Variants in RPL26L1 observed in about 807,000 individuals in gnomAD.
RPL26L1 encodes ribosomal protein uL24-like.
A neutral mutation model predicts 15.2 loss-of-function variants in RPL26L1; 8 were observed. The observed-to-expected ratio is 0.53, with a 90% confidence interval of 0.31 to 0.95. RPL26L1 has a LOEUF of 0.95. RPL26L1 is among the 40% of genes least tolerant of loss of function. RPL26L1 has a pLI of 0.05. For synonymous variants in RPL26L1, 51 were observed against 65.9 expected (o/e 0.77, Z 1.09); for missense variants, 146 against 190.9 (o/e 0.76, Z 1.39).
chr5:172,959,984 G>T lies in RPL26L1; in HGVS notation c.111G>T (p.Glu37Asp). The change falls in exon 2 of 4, where the codon GAG (glutamate) becomes GAT (aspartate). Residue 37 changes from glutamate (E) to aspartate (D), a missense_variant. Physicochemically the swap from Glu to Asp is conservative, Grantham distance 45. Coordinates refer to ENST00000265100, the MANE Select transcript of RPL26L1 (RefSeq NM_016093.4). ...TCATGTCATCCCCGCTCTCCAAGGAGCTGCGGCAGAAGTACAATGTCCGCT... is the reference window on the plus strand; with the variant it reads ...TCATGTCATCCCCGCTCTCCAAGGATCTGCGGCAGAAGTACAATGTCCGCT... ...RKIMSSPLSK[E>D]LRQKYNVRSM... 1 of 1,614,216 alleles carries T rather than the reference G, an allele frequency of 6.2e-7. No homozygotes were observed. Among genetic ancestry groups the T allele is most frequent in the South Asian group, 1.1e-5 (1 of 91,082 alleles).
upstream of RPL26L1, chr5:172,954,807 T>G (rs1398055703): frequency 1.0e-5 from 4 of 392,574 alleles, no homozygotes; most frequent in African/African-American, 8.3e-5. Flanking sequence ...CCATTTTTAT[T>G]ATTTCTCCTT....
In RPL26L1 at chr5:172,969,551, G is replaced by A. The variant is rs755991961; in HGVS notation, c.*10G>A. On this transcript the variant is annotated 3_prime_UTR_variant, in exon 4 of 4. Transcript: ENST00000265100. ...GAAAATGCAGGAATAAATAGAACCT[G>A]TTGTGCAACCACGGTTTAACCGGAG... 41 of 1,608,368 alleles carry A rather than the reference G, an allele frequency of 2.5e-5. No homozygotes were observed. The Middle Eastern group carries it at 2.7e-3, about 105-fold the overall frequency.
upstream of RPL26L1, chr5:172,957,386 G>A: frequency 2.5e-6 from 1 of 399,374 alleles, no homozygotes; most frequent in South Asian, 1.8e-5. Context: ...ACTCCTTGAT[G>A]ATCTTGGGTT....
intron 3 of RPL26L1, among the ~76,000 whole-genome samples, chr5:172,968,844 T>C (rs576545316): frequency 8.0e-6 from 1 of 124,314 alleles, no homozygotes; most frequent in East Asian, 2.8e-4. Context: ...ATGCTCGCTC[T>C]GTCACCAGGC....
upstream of RPL26L1, chr5:172,958,030 C>T (rs1418134985): frequency 1.2e-5 from 3 of 248,292 alleles, 1 homozygote; most frequent in Admixed American, 9.6e-5. Context: ...TTTGGGAGGC[C>T]GAGGCGGGAG....
At chr5:172,968,773 C>T (rs1229939231) in intron 3 of RPL26L1, among the ~76,000 whole-genome samples, 174 bp downstream of exon 3, 3 of 119,320 alleles carry the variant, frequency 2.5e-5, no homozygotes, top group African/African-American at 9.0e-5. Flanking sequence ...CTTCTCTTTT[C>T]TGTTTTGCCT....
intron 2 of RPL26L1, among the ~76,000 whole-genome samples, chr5:172,962,258 G>C (rs1456918647): frequency 3.3e-5 from 5 of 152,182 alleles, no homozygotes; most frequent in Non-Finnish European, 5.9e-5. Context: ...TGTAATCCTA[G>C]CAGTTTGGGA....
chr5:172,958,838 T>TGAGATGGGCGGGGTCTAGGA (rs1755092202), upstream of RPL26L1: 2 of 114,788 alleles, frequency 1.7e-5, no homozygotes, highest in South Asian at 2.3e-4. Flanking sequence ...GGGGACTGGA[T>TGAGATGGGCGGGGTCTAGGA]GAGAGGGGCG....
chr5:172,960,099 G>A, intron 2 of RPL26L1, 58 bp downstream of exon 2: 1 of 1,596,240 alleles, frequency 6.3e-7, no homozygotes, highest in Admixed American at 1.7e-5. Context: ...AACGTCATGC[G>A]TGGAGCAGTC....
upstream of RPL26L1, chr5:172,958,629 C>G (rs939699520): frequency 2.6e-5 from 8 of 308,526 alleles, no homozygotes; most frequent in East Asian, 6.2e-4. Context: ...TCCGTCGGGA[C>G]CAGAGACCCG....
chr5:172,968,640 T>C, intron 3 of RPL26L1, 41 bp downstream of exon 3: 4 of 1,612,502 alleles, frequency 2.5e-6, no homozygotes, highest in Non-Finnish European at 3.4e-6. Context: ...CCATGGAGTG[T>C]GTCAATACTG....
intron 2 of RPL26L1, among the ~76,000 whole-genome samples, chr5:172,960,756 T>G (rs1755203160): frequency 6.6e-6 from 1 of 151,950 alleles, no homozygotes; most frequent in South Asian, 2.1e-4. Flanking sequence ...AAGCAGGGGC[T>G]AGATTCATTC....
chr5:172,955,006 G>A (rs773674034), upstream of RPL26L1: 1 of 456,164 alleles, frequency 2.2e-6, no homozygotes, highest in Non-Finnish European at 4.4e-6. Context: ...CGTGCTTCGT[G>A]AGGAGAGAAG....
chr5:172,958,731 C>G, upstream of RPL26L1: 1 of 235,904 alleles, frequency 4.2e-6, no homozygotes, highest in South Asian at 4.7e-5. Context: ...CAGGGGTCGG[C>G]GAACGAAACG....
intron 3 of RPL26L1, 32 bp downstream of exon 3, chr5:172,968,631 C>A: frequency 6.2e-7 from 1 of 1,613,332 alleles, no homozygotes; most frequent in South Asian, 1.1e-5. Flanking sequence ...CAGTAGCAGC[C>A]ATGGAGTGTG....
intron 2 of RPL26L1, among the ~76,000 whole-genome samples, chr5:172,963,343 C>T (rs1463743842): frequency 6.6e-6 from 1 of 150,796 alleles, no homozygotes; most frequent in Middle Eastern, 3.4e-3. Context: ...CACTGCACTC[C>T]AGCCTGGGCA....
Position 172,968,614 on chromosome 5 carries a change from T to G in RPL26L1, c.309+15T>G. The G allele has an allele frequency of 3.1e-6, 5 of 1,613,792 alleles. No individual in the cohort carries two copies. The highest frequency in any genetic ancestry group is 4.2e-6 in the Non-Finnish European group (5 of 1,179,828). On this transcript the variant is annotated intron_variant, in intron 3 of 3. Transcript: ENST00000265100. Reference sequence around the variant, plus strand: ...ACCCAAGCAAGGTATGGTCAAGGACTGAGTGGCAGTAGCAGCCATGGAGTG... The same window carrying G: ...ACCCAAGCAAGGTATGGTCAAGGACGGAGTGGCAGTAGCAGCCATGGAGTG...
chr5:172,957,319 G>A (rs887137357), upstream of RPL26L1: 21 of 454,704 alleles, frequency 4.6e-5, no homozygotes, highest in African/African-American at 4.2e-4. Flanking sequence ...CACACAGCAT[G>A]TTAAAAACAA....
intron 1 of RPL26L1, 49 bp downstream of exon 1, chr5:172,959,517 G>T: frequency 9.2e-7 from 1 of 1,081,622 alleles, no homozygotes; most frequent in South Asian, 2.7e-5. Context: ...ACCGCCCCGT[G>T]AGACCCTGCC....
Sources: allele counts gnomAD v4.1 joint callset (sites outside exome capture counted in the v4.1 genomes callset), GRCh38; gene constraint gnomAD v4.1.1; transcripts MANE v1.5; gene names NCBI Gene and HGNC (gene_info 2026-07-23, HGNC 2026-07-21).